GRM7: variants seen among roughly 807,000 people sequenced by gnomAD.
The protein encoded by GRM7 is glutamate metabotropic receptor 7.
In GRM7, 35 loss-of-function variants were observed where a neutral mutation model predicts 84.5. The observed-to-expected ratio is 0.41, with a 90% CI of 0.32 to 0.55. The LOEUF is 0.55. GRM7 is among the 20% of genes least tolerant of loss of function. GRM7 has a pLI of 0.19. For missense variants in GRM7, 1,003 were observed against 1,194.6 expected (o/e 0.84, Z 2.36); for synonymous variants, 487 against 455.1 (o/e 1.07, Z -0.89).
At chr3:7,163,840 T>G (rs1029518636) in intron 2 of GRM7, among the ~76,000 whole-genome samples, 1 of 152,248 alleles carries the variant, frequency 6.6e-6, no homozygotes, top group South Asian at 2.1e-4. Context: ...GTTGAAGTCA[T>G]GCTTATGCCC....
intron 7 of GRM7, among the ~76,000 whole-genome samples, chr3:7,477,434 C>G (rs959198615): frequency 3.3e-5 from 5 of 152,082 alleles, no homozygotes; most frequent in African/African-American, 1.2e-4. Context: ...GCTCTTCAAC[C>G]CTGACGCAAA....
At position 6,863,882 on chromosome 3, in the gene GRM7, A is replaced by G. The variant is rs564508428; in HGVS notation, c.519+1975A>G. Among the ~76,000 whole-genome samples, 5 of 152,264 alleles carry G rather than the reference A, an allele frequency of 3.3e-5. No homozygotes were observed. The highest frequency in any genetic ancestry group is 1.2e-4 in the African/African-American group (5 of 41,550). ...TCAGCCTGTCTCTGTCTGAAAAAAG[A>G]GTGAAATGTTAAAGTCAAGAAAGGG... On this transcript the variant is annotated intron_variant, in intron 1 of 9. Coordinates refer to ENST00000357716, the MANE Select transcript of GRM7 (RefSeq NM_000844.4). The surrounding 1 kb of genome is among the most constrained non-coding windows in gnomAD (Gnocchi z 4.8).
Position 7,578,480 on chromosome 3 carries a change from T to G in GRM7, c.1574T>G (p.Leu525Arg). The part of the protein sequence containing the change: ...VREIPASVCT[L>R]PCKPGQRKKT... ...GAGATACCCGCCTCAGTGTGCACAC[T>G]ACCATGTAAGCCAGGACAGAGAAAG... Residue 525 changes from leucine (L) to arginine (R), a missense_variant, in exon 8 of 10, where the codon CTA becomes CGA. Transcript: ENST00000357716. The G allele has an allele frequency of 6.2e-7, 1 of 1,613,850 alleles. No homozygotes were observed. Among genetic ancestry groups the G allele is most frequent in the Non-Finnish European group, 8.5e-7 (1 of 1,179,802 alleles).
chr3:7,056,002 T>G (rs1025013944), intron 1 of GRM7, among the ~76,000 whole-genome samples: 4 of 151,942 alleles, frequency 2.6e-5, no homozygotes, highest in Non-Finnish European at 4.4e-5. Flanking sequence ...AGTAGCCAGT[T>G]AAATGCTTAC....
intron 4 of GRM7, among the ~76,000 whole-genome samples, chr3:7,320,398 G>C (rs1052393392): frequency 5.9e-5 from 9 of 152,010 alleles, no homozygotes; most frequent in Non-Finnish European, 1.3e-4. Context: ...TTGTGGAGAA[G>C]TATGATTGGA....
chr3:7,680,558 G>A, intron 9 of GRM7: 1 of 455,388 alleles, frequency 2.2e-6, no homozygotes, highest in Non-Finnish European at 4.0e-6. Context: ...CTTGTCCTCT[G>A]GTACTGAATC....
intron 5 of GRM7, among the ~76,000 whole-genome samples, chr3:7,428,931 T>A (rs1696718827): frequency 6.6e-6 from 1 of 152,198 alleles, no homozygotes; most frequent in East Asian, 1.9e-4. Context: ...ATTTATGAAG[T>A]TTGCAGGTAT....
At chr3:7,705,587 G>A (rs1165556727) in intron 9 of GRM7, among the ~76,000 whole-genome samples, 2 of 152,210 alleles carry the variant, frequency 1.3e-5, no homozygotes, top group African/African-American at 4.8e-5. Flanking sequence ...AAAGGTTTGT[G>A]TGAACAATGT....
Position 7,285,294 on chromosome 3 carries a change from A to G in GRM7, c.737-13390A>G, listed in dbSNP as rs541304135. The stretch of plus-strand genomic sequence containing the variant: ...AGAATTATTATTATATGATTAAGAT[A>G]AAAGGCAGATGGCTTTTAGTTATTT... On this transcript the variant is annotated intron_variant, in intron 2 of 9. Coordinates refer to ENST00000357716, the MANE Select transcript of GRM7 (RefSeq NM_000844.4). 2.0e-5 allele frequency among the ~76,000 whole-genome samples: 3 copies of G among 152,342 alleles called. No homozygotes were observed. In the South Asian group the frequency reaches 6.2e-4, roughly 32 times the overall value.
intron 5 of GRM7, among the ~76,000 whole-genome samples, chr3:7,417,084 T>C (rs550426206): frequency 6.6e-6 from 1 of 152,206 alleles, no homozygotes; most frequent in African/African-American, 2.4e-5. Context: ...CATTGAGAAT[T>C]TGGGCTTATA....
chr3:7,494,526 A>G (rs1699631121), intron 7 of GRM7, among the ~76,000 whole-genome samples: 1 of 152,084 alleles, frequency 6.6e-6, no homozygotes, highest in Non-Finnish European at 1.5e-5. Flanking sequence ...TCCAGCCATT[A>G]TTTCTTGTAC....
chr3:7,676,144 A>G (rs1038693469), intron 8 of GRM7, among the ~76,000 whole-genome samples: 1 of 152,204 alleles, frequency 6.6e-6, no homozygotes, highest in Non-Finnish European at 1.5e-5. Context: ...TACAATAAGC[A>G]TCAGGTAAAA....
intron 4 of GRM7, among the ~76,000 whole-genome samples, chr3:7,376,842 G>A (rs1423894033): frequency 6.6e-6 from 1 of 152,108 alleles, no homozygotes; most frequent in Non-Finnish European, 1.5e-5. Flanking sequence ...TGGGTAAGGG[G>A]ACAAAGAGGG....
At chr3:7,000,474 A>C (rs187770808) in intron 1 of GRM7, among the ~76,000 whole-genome samples, 21 of 152,200 alleles carry the variant, frequency 1.4e-4, no homozygotes, top group African/African-American at 4.1e-4. Flanking sequence ...GGCATGAGCC[A>C]CCTCGCCCGG....
chr3:7,522,762 T>C (rs868295496), intron 7 of GRM7, among the ~76,000 whole-genome samples: 6 of 152,236 alleles, frequency 3.9e-5, no homozygotes, highest in Middle Eastern at 3.4e-3. Context: ...CTGAGTTGTG[T>C]CTCTGAAATT....
At chr3:7,233,398 A>G (rs929912543) in intron 2 of GRM7, among the ~76,000 whole-genome samples, 5 of 152,134 alleles carry the variant, frequency 3.3e-5, no homozygotes, top group African/African-American at 9.6e-5. Flanking sequence ...GTGGGAAATA[A>G]CCACCACTAT....
chr3:7,423,437 A>G (rs1212834909), intron 5 of GRM7, among the ~76,000 whole-genome samples: 1 of 152,224 alleles, frequency 6.6e-6, no homozygotes, highest in Non-Finnish European at 1.5e-5. Context: ...AACTAGGGAA[A>G]TTAATTCATA....
chr3:7,421,711 A>G (rs956230107), intron 5 of GRM7, among the ~76,000 whole-genome samples: 3 of 152,012 alleles, frequency 2.0e-5, no homozygotes, highest in African/African-American at 7.2e-5. Flanking sequence ...TCCTGACCTC[A>G]GGGCTTCTCC....
At chr3:7,057,628 A>T (rs1332329936) in intron 1 of GRM7, among the ~76,000 whole-genome samples, 2 of 151,988 alleles carry the variant, frequency 1.3e-5, no homozygotes, top group Admixed American at 6.6e-5. Context: ...AAAATGAAAG[A>T]TCTAGAGTAT....
Sources: allele counts gnomAD v4.1 joint callset (sites outside exome capture counted in the v4.1 genomes callset), GRCh38; gene constraint gnomAD v4.1.1; non-coding constraint Gnocchi (gnomAD v3.1); transcripts MANE v1.5; gene names NCBI Gene and HGNC (gene_info 2026-07-23, HGNC 2026-07-21).